CDKL1: variants seen among roughly 807,000 people sequenced by gnomAD.
CDKL1 encodes the protein cyclin-dependent kinase-like 1.
CDKL1 carries 41 observed loss-of-function variants against 42.0 expected under a neutral mutation model. The observed-to-expected ratio is 0.98, with a 90% confidence interval of 0.76 to 1.27. CDKL1 has a LOEUF of 1.27. Ranked by LOEUF, CDKL1 falls within the 50% of genes most tolerant of loss-of-function variation. CDKL1 has a pLI of 0.00. For missense variants in CDKL1, 394 were observed against 428.4 expected, an observed-to-expected ratio of 0.92 and a Z score of 0.71; for synonymous variants, 153 against 158.6, an observed-to-expected ratio of 0.96 and a Z score of 0.26.
intron 2 of CDKL1, chr14:50,390,008 T>C (rs1274460755): frequency 1.8e-5 from 10 of 548,448 alleles, no homozygotes; most frequent in African/African-American, 3.8e-5. Flanking sequence ...ATCTACCTTC[T>C]AAGGTTGTTA....
chr14:50,326,644 T>C lies in CDKL1; in HGVS notation c.*3430A>G, dbSNP rs1040468111. On this transcript the variant is annotated 3_prime_UTR_variant, in exon 10 of 10. Coordinates refer to ENST00000395834, the MANE Select transcript of CDKL1 (RefSeq NM_004196.7). ...GCTTAGGCTACTATTTTATTAAAAC[T>C]GGACATAGATACTTGGCTGAATACA... 2.0e-6 allele frequency: 2 copies of C among 985,256 alleles called. No individual in the cohort carries two copies. Among genetic ancestry groups the C allele is most frequent in the Non-Finnish European group, 1.2e-6 (1 of 829,866 alleles). 61.0% of individuals were successfully genotyped at this position (985,256 alleles called of 1,614,324 possible). A position where few individuals can be genotyped will look rare whatever the true frequency, so the allele number is the denominator to read the frequency against.
At chr14:50,338,925 C>G (rs1486518288) in intron 7 of CDKL1, 22 bp downstream of exon 7, 4 of 1,502,012 alleles carry the variant, frequency 2.7e-6, no homozygotes, top group African/African-American at 2.7e-5. Context: ...CTACAGAGCT[C>G]TCTCCAAAAT....
At chr14:50,330,607 C>T (rs1430432617) in intron 9 of CDKL1, 10 of 183,136 alleles carry the variant, frequency 5.5e-5, no homozygotes, top group Non-Finnish European at 9.0e-5. Context: ...TCAAGCATGG[C>T]ACAGTGTACA....
Position 50,326,491 on chromosome 14 carries a change from G to C in CDKL1, c.*3583C>G. On this transcript the variant is annotated 3_prime_UTR_variant, in exon 10 of 10. Transcript: ENST00000395834. ...AGTCAATTATGCAAAGTGGTCAGTG[G>C]TTGTTGAAGCATGCATTGCTTCAAC... 1.0e-6 allele frequency: 1 copy of C among 985,356 alleles called. No individual in the cohort carries two copies. Among genetic ancestry groups the C allele is most frequent in the Non-Finnish European group, 1.2e-6 (1 of 829,890 alleles). 61.0% of individuals were successfully genotyped at this position (985,356 alleles called of 1,614,324 possible). A position where few individuals can be genotyped will look rare whatever the true frequency, so the allele number is the denominator to read the frequency against.
intron 2 of CDKL1, among the ~76,000 whole-genome samples, chr14:50,361,918 C>G (rs901818665): frequency 1.3e-5 from 2 of 152,244 alleles, no homozygotes; most frequent in African/African-American, 4.8e-5. Flanking sequence ...AGGCCAAGGC[C>G]GGAGCCGGCT....
chr14:50,348,973 T>C (rs1199804368), intron 3 of CDKL1, among the ~76,000 whole-genome samples: 2 of 151,516 alleles, frequency 1.3e-5, no homozygotes, highest in African/African-American at 2.4e-5. Context: ...AAAAAGAAAA[T>C]AGGTAAAACA....
intron 9 of CDKL1, chr14:50,331,899 C>G: frequency 1.2e-6 from 1 of 855,456 alleles, no homozygotes; most frequent in Non-Finnish European, 1.7e-6. Context: ...AGTTTTAATA[C>G]TAAAAGTGTA....
intron 2 of CDKL1, among the ~76,000 whole-genome samples, chr14:50,374,099 TAAGCTAAC>T (rs1354649732): frequency 1.8e-4 from 27 of 151,414 alleles, no homozygotes; most frequent in African/African-American, 6.5e-4. Context: ...ACCGATAAAA[TAAGCTAAC>T]AAGCCATAAA....
At chr14:50,342,332 T>C (rs1209672537) in intron 4 of CDKL1, 110 bp from the exon 5 acceptor site, 6 of 1,457,066 alleles carry the variant, frequency 4.1e-6, no homozygotes, top group African/African-American at 1.4e-5. Flanking sequence ...AATCTCTCCT[T>C]GGCCTGTTGG....
chr14:50,346,627 G>A (rs2033732123), intron 3 of CDKL1, among the ~76,000 whole-genome samples: 2 of 146,576 alleles, frequency 1.4e-5, no homozygotes, highest in Non-Finnish European at 3.0e-5. Flanking sequence ...AATATATTTT[G>A]ATTATTCAAT....
At chr14:50,375,952 A>C (rs1318996804) in intron 2 of CDKL1, among the ~76,000 whole-genome samples, 1 of 152,180 alleles carries the variant, frequency 6.6e-6, no homozygotes, top group Non-Finnish European at 1.5e-5. Flanking sequence ...GTACTCCTGA[A>C]AACTGCCAGA....
rs73281185 is a variant in CDKL1 at position 50,335,201 on chromosome 14, C to T, written c.739-580G>A. ...GTACTAGCTACTTGGGAGGCTAAGG[C>T]GGGAGGATGGCGTGGGTTTGGGAGA... is the stretch of plus-strand genomic sequence containing the variant. On this transcript the variant is annotated intron_variant, in intron 7 of 9. Coordinates refer to ENST00000395834, the MANE Select transcript of CDKL1 (RefSeq NM_004196.7). Among the ~76,000 whole-genome samples the T allele has an allele frequency of 7.3e-5, 10 of 136,914 alleles. No homozygotes were observed. In the Admixed American group the frequency reaches 7.3e-4, roughly 10 times the overall value. 89.8% of individuals were successfully genotyped at this position (136,914 alleles called of 152,430 possible).
intron 6 of CDKL1, among the ~76,000 whole-genome samples, chr14:50,340,455 T>C (rs10138451): frequency 0.22 from 32,863 of 149,828 alleles, 4,016 homozygotes; most frequent in African/African-American, 0.34. Context: ...TACTGATGGG[T>C]TTTTTTTTCT....
At chr14:50,352,651 G>A (rs2153552) in intron 3 of CDKL1, among the ~76,000 whole-genome samples, 107,298 of 152,018 alleles carry the variant, frequency 0.71, 38,948 homozygotes, top group African/African-American at 0.89. Flanking sequence ...GAAGAATAGA[G>A]TTGAGGGGAA....
chr14:50,335,351 G>A, intron 7 of CDKL1: 1 of 634,464 alleles, frequency 1.6e-6, no homozygotes, highest in Non-Finnish European at 2.6e-6. Context: ...TATAAAGGGA[G>A]CTGCAAAATA....
intron 5 of CDKL1, 121 bp from the exon 6 acceptor site, chr14:50,341,353 C>A: frequency 7.6e-7 from 1 of 1,312,492 alleles, no homozygotes. Context: ...CGCTGGTTCT[C>A]AATTCTAGTT....
chr14:50,395,582 G>A, intron 2 of CDKL1, 119 bp downstream of exon 2: 1 of 665,148 alleles, frequency 1.5e-6, no homozygotes, highest in East Asian at 2.7e-5. Flanking sequence ...CAGAAGCATG[G>A]CTTGAGCCCA....
intron 2 of CDKL1, 33 bp downstream of exon 2, chr14:50,395,668 A>G (rs778883898): frequency 2.7e-6 from 4 of 1,504,000 alleles, no homozygotes; most frequent in Non-Finnish European, 2.8e-6. Flanking sequence ...CCCTGTCTCG[A>G]AAAAGAAAAA....
intron 2 of CDKL1, among the ~76,000 whole-genome samples, chr14:50,376,720 T>C (rs1373780780): frequency 6.6e-6 from 1 of 152,250 alleles, no homozygotes; most frequent in South Asian, 2.1e-4. Flanking sequence ...TCACTTGTCA[T>C]ATATTATTGT....
Sources: allele counts gnomAD v4.1 joint callset (sites outside exome capture counted in the v4.1 genomes callset), GRCh38; gene constraint gnomAD v4.1.1; transcripts MANE v1.5; gene names NCBI Gene and HGNC (gene_info 2026-07-23, HGNC 2026-07-21).